RABGAP1L: variants seen among roughly 807,000 people sequenced by gnomAD.
RABGAP1L encodes RAB GTPase activating protein 1 like, also known as rab GTPase-activating protein 1-like.
In RABGAP1L, 63 loss-of-function variants were observed where a neutral mutation model predicts 137.7. The observed-to-expected ratio is 0.46, with a 90% CI of 0.37 to 0.56. The LOEUF is 0.56. Among genes scored for constraint, RABGAP1L ranks in the 20% least tolerant of loss-of-function variants. RABGAP1L has a pLI of 0.00. For synonymous variants in RABGAP1L, 431 were observed against 433.7 expected (o/e 0.99, Z 0.08); for missense variants, 1,095 against 1,244.0 (o/e 0.88, Z 1.80).
intron 13 of RABGAP1L, among the ~76,000 whole-genome samples, chr1:174,564,076 T>C (rs919660720): frequency 6.6e-6 from 1 of 152,220 alleles, no homozygotes; most frequent in African/African-American, 2.4e-5. Context: ...GCAAGTCTCC[T>C]CTTCTTGCTT....
At chr1:174,734,334 G>A (rs1484730510) in intron 17 of RABGAP1L, among the ~76,000 whole-genome samples, 17 of 152,096 alleles carry the variant, frequency 1.1e-4, no homozygotes, top group Admixed American at 9.2e-4. Flanking sequence ...TAGGGAACTC[G>A]GGAGATGGTA....
At chr1:174,813,600 AG>A (rs1296476799) in intron 19 of RABGAP1L, among the ~76,000 whole-genome samples, 2 of 152,262 alleles carry the variant, frequency 1.3e-5, no homozygotes, top group East Asian at 3.8e-4. Context: ...TTGTCTTTCA[AG>A]TGAGCTTTAT....
chr1:174,463,276 T>C lies in RABGAP1L; in HGVS notation c.1710+69131T>C, dbSNP rs1275796352. 1.4e-4 allele frequency among the ~76,000 whole-genome samples: 22 copies of C among 152,150 alleles called. No individual in the cohort carries two copies. In the East Asian group the frequency reaches 4.1e-3, roughly 28 times the overall value. On this transcript the variant is annotated intron_variant, in intron 13 of 25. Transcript: ENST00000681986. ...TGGAACTAACCCAAATGTCCAACAA[T>C]GATAGACTGGATTAAGAAAATGTGG... is the stretch of plus-strand genomic sequence containing the variant.
intron 13 of RABGAP1L, among the ~76,000 whole-genome samples, chr1:174,436,326 G>T (rs1209000858): frequency 2.0e-5 from 3 of 152,148 alleles, no homozygotes; most frequent in Non-Finnish European, 4.4e-5. Flanking sequence ...GTTGTTTCCT[G>T]ACTTTTTAAT....
intron 19 of RABGAP1L, among the ~76,000 whole-genome samples, chr1:174,868,604 C>T (rs1651684272): frequency 6.6e-6 from 1 of 152,186 alleles, no homozygotes; most frequent in Admixed American, 6.5e-5. Flanking sequence ...TTTATTTTCA[C>T]ATGATAGCCC....
intron 13 of RABGAP1L, among the ~76,000 whole-genome samples, chr1:174,621,343 G>T (rs1178348506): frequency 1.3e-5 from 2 of 152,142 alleles, no homozygotes; most frequent in Admixed American, 1.3e-4. Flanking sequence ...CACAGAACTG[G>T]AGAAAACTAC....
At chr1:174,414,673 C>T (rs1650336922) in intron 13 of RABGAP1L, among the ~76,000 whole-genome samples, 1 of 151,930 alleles carries the variant, frequency 6.6e-6, no homozygotes, top group Admixed American at 6.6e-5. Flanking sequence ...TTTAAAGTTA[C>T]AAATTTTGGT....
rs1655543083 is a variant in RABGAP1L at position 174,452,391 on chromosome 1, C to T, written c.1710+58246C>T. ...GGCCTTGGGTAAGATACCAAATGCT[C>T]CAAAACCTTAGTTTTGGCATTGATT... On this transcript the variant is annotated intron_variant, in intron 13 of 25. Coordinates refer to ENST00000681986, the MANE Select transcript of RABGAP1L (RefSeq NM_001366446.1). 2.0e-5 allele frequency among the ~76,000 whole-genome samples: 3 copies of T among 151,996 alleles called. No homozygotes were observed. In the South Asian group the frequency reaches 6.2e-4, roughly 32 times the overall value.
At chr1:174,586,704 T>A (rs1669144867) in intron 13 of RABGAP1L, among the ~76,000 whole-genome samples, 1 of 152,060 alleles carries the variant, frequency 6.6e-6, no homozygotes, top group Non-Finnish European at 1.5e-5. Context: ...TTCAAGCAAT[T>A]CTCCTGCCTC....
intron 11 of RABGAP1L, among the ~76,000 whole-genome samples, chr1:174,369,169 T>C (rs948145399): frequency 5.9e-5 from 9 of 152,092 alleles, no homozygotes; most frequent in African/African-American, 2.2e-4. Context: ...CGTGACATAG[T>C]CTAAGTTTAA....
At chr1:174,839,757 A>G (rs1485307796) in intron 19 of RABGAP1L, among the ~76,000 whole-genome samples, 2 of 152,230 alleles carry the variant, frequency 1.3e-5, no homozygotes, top group African/African-American at 2.4e-5. Context: ...GGCTCTGTAT[A>G]TAATAGGTGA....
intron 11 of RABGAP1L, among the ~76,000 whole-genome samples, chr1:174,321,095 T>G (rs1455527527): frequency 6.6e-6 from 1 of 152,058 alleles, no homozygotes; most frequent in Admixed American, 6.6e-5. Flanking sequence ...ATGTCTGAAT[T>G]ATATGGTTGT....
intron 17 of RABGAP1L, among the ~76,000 whole-genome samples, chr1:174,748,957 A>G (rs541873230): frequency 1.3e-5 from 2 of 152,102 alleles, no homozygotes; most frequent in South Asian, 4.2e-4. Flanking sequence ...CGGGCAGATC[A>G]CTTGAGGTCA....
chr1:174,838,967 G>T (rs1693079270), intron 19 of RABGAP1L, among the ~76,000 whole-genome samples: 1 of 126,252 alleles, frequency 7.9e-6, no homozygotes, highest in African/African-American at 3.0e-5. Flanking sequence ...ACATGAGTCA[G>T]TAGAAGCCAT....
At chr1:174,609,217 A>G (rs1325938975) in intron 13 of RABGAP1L, among the ~76,000 whole-genome samples, 1 of 152,190 alleles carries the variant, frequency 6.6e-6, no homozygotes, top group Non-Finnish European at 1.5e-5. Flanking sequence ...AAATACCTGG[A>G]AAGAAACCTT....
chr1:174,480,105 AT>A (rs1415250470), intron 13 of RABGAP1L, among the ~76,000 whole-genome samples: 1 of 152,170 alleles, frequency 6.6e-6, no homozygotes, highest in African/African-American at 2.4e-5. Context: ...TAAAAATTAT[AT>A]CTTTTAATAA....
intron 13 of RABGAP1L, among the ~76,000 whole-genome samples, chr1:174,499,081 A>G (rs961415788): frequency 6.6e-6 from 1 of 152,064 alleles, no homozygotes; most frequent in African/African-American, 2.4e-5. Context: ...CACAATGAAC[A>G]TATCCAGTAG....
intron 18 of RABGAP1L, among the ~76,000 whole-genome samples, chr1:174,772,451 C>T: frequency 6.6e-6 from 1 of 150,738 alleles, no homozygotes; most frequent in African/African-American, 2.4e-5. Flanking sequence ...TGGCGTGTGC[C>T]TGGCTACTCA....
intron 14 of RABGAP1L, among the ~76,000 whole-genome samples, chr1:174,641,877 G>A (rs1408320235): frequency 2.6e-5 from 4 of 152,056 alleles, no homozygotes; most frequent in South Asian, 2.1e-4. Flanking sequence ...TAAATCCTGC[G>A]TCAGTTATTA....
Sources: gnomAD v4.1 joint callset for allele counts (sites outside exome capture counted in the v4.1 genomes callset) on GRCh38, gnomAD v4.1.1 for gene constraint, MANE v1.5 for transcripts, NCBI Gene and HGNC (gene_info 2026-07-23, HGNC 2026-07-21) for gene names.